Variants in METTL24 observed in about 807,000 individuals in gnomAD.
METTL24 encodes the protein probable methyltransferase-like protein 24.
METTL24 carries 29 observed loss-of-function variants against 32.7 expected under a neutral mutation model. The ratio of observed to expected loss-of-function variants is 0.89; its 90% CI spans 0.66 to 1.21. The LOEUF is 1.21. METTL24 is among the 50% of genes most tolerant of loss of function. The pLI is 0.00. For synonymous variants in METTL24, 163 were observed against 179.5 expected, an observed-to-expected ratio of 0.91 and a Z score of 0.73; for missense variants, 439 against 468.1, an observed-to-expected ratio of 0.94 and a Z score of 0.57.
At chr6:110,351,169 C>A (rs1391151766) in intron 1 of METTL24, among the ~76,000 whole-genome samples, 3 of 152,054 alleles carry the variant, frequency 2.0e-5, no homozygotes, top group Non-Finnish European at 4.4e-5. Flanking sequence ...ACACTGCACT[C>A]CAGCCTGGGC....
intron 1 of METTL24, among the ~76,000 whole-genome samples, chr6:110,325,484 C>T (rs1315780726): frequency 6.6e-6 from 1 of 152,204 alleles, no homozygotes; most frequent in Non-Finnish European, 1.5e-5. Flanking sequence ...ACTCCTGCTC[C>T]AGCTGATCCT....
At chr6:110,350,298 C>T (rs1242674391) in intron 1 of METTL24, among the ~76,000 whole-genome samples, 1 of 152,136 alleles carries the variant, frequency 6.6e-6, no homozygotes, top group Non-Finnish European at 1.5e-5. Flanking sequence ...ACTTCCAGAG[C>T]CTTCCTGGTC....
chr6:110,343,662 T>G (rs1404567514), intron 1 of METTL24, among the ~76,000 whole-genome samples: 6 of 152,136 alleles, frequency 3.9e-5, no homozygotes, highest in Non-Finnish European at 7.4e-5. Context: ...GATTGATGTG[T>G]AGATAAGAGA....
chr6:110,306,501 C>T (rs1210534846), intron 3 of METTL24, among the ~76,000 whole-genome samples: 1 of 151,844 alleles, frequency 6.6e-6, no homozygotes, highest in Non-Finnish European at 1.5e-5. Context: ...CACACATACA[C>T]ATATAAGTTA....
chr6:110,281,395 C>A (rs1771132872), intron 4 of METTL24, among the ~76,000 whole-genome samples: 1 of 152,066 alleles, frequency 6.6e-6, no homozygotes, highest in Non-Finnish European at 1.5e-5. Flanking sequence ...GTAATCTCAG[C>A]ACTTTGGGAG....
chr6:110,311,907 G>A (rs113487273), intron 3 of METTL24, among the ~76,000 whole-genome samples: 3,739 of 152,108 alleles, frequency 0.025, 170 homozygotes, highest in African/African-American at 0.085. Flanking sequence ...TGTTTGTTTT[G>A]CAATTGAGTT....
intron 1 of METTL24, among the ~76,000 whole-genome samples, chr6:110,340,091 A>G (rs1772322209): frequency 6.6e-6 from 1 of 152,224 alleles, no homozygotes; most frequent in African/African-American, 2.4e-5. Flanking sequence ...ACAAAAATCA[A>G]TAGGAGGGAG....
chr6:110,344,788 G>T (rs1772437503), intron 1 of METTL24, among the ~76,000 whole-genome samples: 1 of 152,146 alleles, frequency 6.6e-6, no homozygotes, highest in Non-Finnish European at 1.5e-5. Flanking sequence ...ATTAAAGATG[G>T]ATTAAAGCCT....
At chr6:110,352,593 C>CTTTT (rs75737659) in intron 1 of METTL24, among the ~76,000 whole-genome samples, 2 of 145,658 alleles carry the variant, frequency 1.4e-5, no homozygotes. Context: ...ATTTTCATAT[C>CTTTT]TTTTTTTTTT....
At chr6:110,335,460 A>G (rs1234612398) in intron 1 of METTL24, among the ~76,000 whole-genome samples, 2 of 152,036 alleles carry the variant, frequency 1.3e-5, no homozygotes, top group Non-Finnish European at 2.9e-5. Context: ...ACAACCTTCC[A>G]TCCATAAGTA....
intron 3 of METTL24, among the ~76,000 whole-genome samples, chr6:110,303,781 G>T (rs1771580852): frequency 1.3e-5 from 2 of 152,230 alleles, no homozygotes; most frequent in African/African-American, 4.8e-5. Flanking sequence ...TCCGAAGACA[G>T]CAGTGGATCT....
intron 4 of METTL24, among the ~76,000 whole-genome samples, chr6:110,273,608 A>G (rs184486128): frequency 1.3e-5 from 2 of 152,372 alleles, no homozygotes; most frequent in Non-Finnish European, 2.9e-5. Context: ...AATGGCCAAC[A>G]AACATATGCA....
intron 1 of METTL24, among the ~76,000 whole-genome samples, chr6:110,352,575 C>T (rs1772626396): frequency 6.7e-6 from 1 of 149,522 alleles, no homozygotes; most frequent in Non-Finnish European, 1.5e-5. Context: ...ATGTTTCTTG[C>T]ACAGCAAATT....
intron 1 of METTL24, among the ~76,000 whole-genome samples, chr6:110,327,420 C>T (rs571469891): frequency 6.6e-6 from 1 of 152,296 alleles, no homozygotes; most frequent in East Asian, 1.9e-4. Flanking sequence ...TCATTTCCAA[C>T]TGAGTGTTGA....
In METTL24 at chr6:110,337,616, G is replaced by A. The variant is rs145049828; in HGVS notation, c.319-14744C>T. On this transcript the variant is annotated intron_variant, in intron 1 of 4. Transcript: ENST00000338882. Reference sequence around the variant, plus strand: ...CAAGGACAAGTCAGTGTCAAGATCAGATTCAGGGAAGTTAGGAAGTGCCCA... The same window carrying A: ...CAAGGACAAGTCAGTGTCAAGATCAAATTCAGGGAAGTTAGGAAGTGCCCA... Among the ~76,000 whole-genome samples, 5 of 152,294 alleles carry A rather than the reference G, an allele frequency of 3.3e-5. No homozygotes were observed. In the East Asian group the frequency reaches 9.7e-4, roughly 29 times the overall value.
intron 2 of METTL24, among the ~76,000 whole-genome samples, chr6:110,316,997 C>T (rs1017563400): frequency 6.6e-6 from 1 of 152,214 alleles, no homozygotes. Context: ...GAGCATATTA[C>T]GTGGAGCCTA....
intron 1 of METTL24, among the ~76,000 whole-genome samples, chr6:110,351,871 T>C (rs1172561980): frequency 6.6e-6 from 1 of 152,224 alleles, no homozygotes; most frequent in South Asian, 2.1e-4. Context: ...GCCCTATTCC[T>C]TCTCTATTCC....
At chr6:110,267,455 G>C (rs1383814266) in intron 4 of METTL24, among the ~76,000 whole-genome samples, 2 of 152,164 alleles carry the variant, frequency 1.3e-5, no homozygotes, top group Non-Finnish European at 2.9e-5. Context: ...ATATAGATTA[G>C]ATAAAAAAAC....
chr6:110,296,621 C>A (rs1422690991), intron 4 of METTL24, among the ~76,000 whole-genome samples: 1 of 152,162 alleles, frequency 6.6e-6, no homozygotes, highest in Admixed American at 6.6e-5. Flanking sequence ...TGGCTGGAAT[C>A]TACGTATGGA....
Sources: allele counts gnomAD v4.1 joint callset (sites outside exome capture counted in the v4.1 genomes callset), GRCh38; gene constraint gnomAD v4.1.1; transcripts MANE v1.5; gene names NCBI Gene and HGNC (gene_info 2026-07-23, HGNC 2026-07-21).